The following RLF variants were observed in gnomAD, a reference collection of about 807,000 sequenced individuals.
RLF encodes RLF zinc finger.
A neutral mutation model predicts 162.9 loss-of-function variants in RLF; 7 were observed. That is an observed-to-expected ratio of 0.04 (90% CI 0.02 to 0.08). The LOEUF (loss-of-function observed/expected upper bound fraction) is 0.08, where lower values mean the gene tolerates loss of function less well. Ranked by LOEUF, RLF falls within the 10% of genes least tolerant of loss-of-function variation. RLF has a pLI of 1.00. For missense variants in RLF, 1,664 were observed against 2,244.7 expected, an observed-to-expected ratio of 0.74 and a Z score of 5.23; for synonymous variants, 782 against 791.5, an observed-to-expected ratio of 0.99 and a Z score of 0.20.
chr1:40,220,428 C>T (rs1318733790), intron 5 of RLF, among the ~76,000 whole-genome samples: 1 of 152,170 alleles, frequency 6.6e-6, no homozygotes, highest in African/African-American at 2.4e-5. Context: ...TTTGCCATGG[C>T]TTATTCCTAC....
rs1642762740 is a variant in RLF at position 40,204,497 on chromosome 1, C to T, written c.810+1883C>T. On this transcript the variant is annotated intron_variant, in intron 5 of 7. Coordinates refer to ENST00000372771, the MANE Select transcript of RLF (RefSeq NM_012421.4). ...ACACTGCTCACTGCAGCCTCAAAAT[C>T]CTGGGCTCAGGTGATCTTCCCACCT... Among the ~76,000 whole-genome samples the T allele has an allele frequency of 2.6e-5, 4 of 152,154 alleles. 1 individual carries two copies. In the South Asian group the frequency reaches 8.3e-4, roughly 32 times the overall value.
At chr1:40,176,973 A>G (rs183278799) in intron 1 of RLF, among the ~76,000 whole-genome samples, 1 of 148,246 alleles carries the variant, frequency 6.7e-6, no homozygotes, top group Non-Finnish European at 1.5e-5. Context: ...TTTTTTATTT[A>G]TTTCTTTTTT....
At position 40,178,822 on chromosome 1, in the gene RLF, G is replaced by A. The variant is rs182711108; in HGVS notation, c.238-10233G>A. Among the ~76,000 whole-genome samples the A allele has an allele frequency of 8.2e-4, 122 of 149,130 alleles. 1 individual carries two copies. The highest frequency in any genetic ancestry group is 3.9e-4 in the Non-Finnish European group (26 of 67,228). On this transcript the variant is annotated intron_variant, in intron 1 of 7. Transcript: ENST00000372771. Reference sequence around the variant, plus strand: ...TACAGGCATGAGCCACTGGTATCCCGCCTTATCACCATTTTTTATTTTTAT... The same window carrying A: ...TACAGGCATGAGCCACTGGTATCCCACCTTATCACCATTTTTTATTTTTAT...
intron 1 of RLF, among the ~76,000 whole-genome samples, chr1:40,173,004 A>G (rs1210251531): frequency 2.6e-5 from 4 of 151,792 alleles, no homozygotes; most frequent in African/African-American, 9.7e-5. Flanking sequence ...TAAACTTATT[A>G]ATATTTGACA....
At chr1:40,219,528 C>T (rs960545529) in intron 5 of RLF, among the ~76,000 whole-genome samples, 4 of 152,048 alleles carry the variant, frequency 2.6e-5, no homozygotes, top group African/African-American at 9.7e-5. Flanking sequence ...AGTGATATTC[C>T]TGTTATTAGC....
At chr1:40,178,670 G>T (rs1171177809) in intron 1 of RLF, among the ~76,000 whole-genome samples, 3 of 84,038 alleles carry the variant, frequency 3.6e-5, no homozygotes, top group Admixed American at 1.3e-4. Context: ...ATCTTGCTAT[G>T]GTCTTTTTTG....
chr1:40,226,627 G>A (rs1643081958), intron 6 of RLF, among the ~76,000 whole-genome samples: 1 of 152,240 alleles, frequency 6.6e-6, no homozygotes, highest in Non-Finnish European at 1.5e-5. Flanking sequence ...TAACAGAATT[G>A]TATGGGAGAG....
chr1:40,203,809 A>G (rs1191010986), intron 5 of RLF, among the ~76,000 whole-genome samples: 1 of 152,002 alleles, frequency 6.6e-6, no homozygotes, highest in Non-Finnish European at 1.5e-5. Flanking sequence ...TGCTGTAGTA[A>G]TTCTGAAACT....
At chr1:40,193,757 G>A (rs1043322587) in intron 3 of RLF, among the ~76,000 whole-genome samples, 3 of 151,694 alleles carry the variant, frequency 2.0e-5, no homozygotes, top group African/African-American at 7.3e-5. Context: ...AACATATTGG[G>A]TGGGTGTGTG....
intron 1 of RLF, among the ~76,000 whole-genome samples, chr1:40,179,152 A>G (rs912284130): frequency 6.6e-6 from 1 of 152,186 alleles, no homozygotes; most frequent in African/African-American, 2.4e-5. Context: ...CCATATTTAA[A>G]AAAGCTATTT....
intron 5 of RLF, among the ~76,000 whole-genome samples, chr1:40,213,722 A>G (rs140990045): frequency 2.4e-4 from 37 of 152,362 alleles, no homozygotes; most frequent in Non-Finnish European, 4.4e-4. Context: ...TAAAACATTT[A>G]TCAACTTTGA....
In RLF at chr1:40,231,572, A is replaced by G. The variant is rs1236779990; in HGVS notation, c.1003A>G (p.Thr335Ala). ...LQRRIDPSLD[T>A]FLERCRQFGV... is the part of the protein sequence containing the mutation. The stretch of plus-strand genomic sequence containing the variant: ...AAGAAGAATTGACCCTTCTTTAGAT[A>G]CTTTTTTGGAGCGCTGTCGTCAGTT... Residue 335 changes from threonine (T) to alanine (A), a missense_variant, in exon 7 of 8, where the codon ACT (threonine) becomes GCT (alanine). Coordinates refer to ENST00000372771, the MANE Select transcript of RLF (RefSeq NM_012421.4). The G allele has an allele frequency of 1.2e-6, 2 of 1,613,900 alleles. No individual in the cohort carries two copies. Among genetic ancestry groups the G allele is most frequent in the Admixed American group, 1.7e-5 (1 of 59,972 alleles).
At chr1:40,186,713 C>CGG in intron 1 of RLF, among the ~76,000 whole-genome samples, 1 of 152,226 alleles carries the variant, frequency 6.6e-6, no homozygotes, top group South Asian at 2.1e-4. Context: ...CATGTCTGCC[C>CGG]GCCCCCACTG....
chr1:40,196,570 G>A (rs1359146176), intron 4 of RLF, among the ~76,000 whole-genome samples: 1 of 152,086 alleles, frequency 6.6e-6, no homozygotes, highest in Non-Finnish European at 1.5e-5. Flanking sequence ...CACAATTATG[G>A]CTCACTGCAG....
Position 40,240,087 on chromosome 1 carries a change from C to G in RLF, c.5385C>G (p.His1795Gln), listed in dbSNP as rs1557765185. The change falls in exon 8 of 8, where the codon CAC becomes CAG. Residue 1795 changes from histidine to glutamine, a missense_variant. Physicochemically the swap from His to Gln is conservative, Grantham distance 24. Coordinates refer to ENST00000372771, the MANE Select transcript of RLF (RefSeq NM_012421.4). ...TTGATGATTGGGAGCCTTCAGAGCA[C>G]TTAACATTAAGTAATTCTTCACAGT... ...DDFDDWEPSE[H>Q]LTLSNSSQSS... The G allele has an allele frequency of 6.2e-7, 1 of 1,614,062 alleles. No homozygotes were observed. The highest frequency in any genetic ancestry group is 8.5e-7 in the Non-Finnish European group (1 of 1,179,942).
chr1:40,199,784 G>A (rs1244249244), intron 4 of RLF, among the ~76,000 whole-genome samples: 1 of 152,098 alleles, frequency 6.6e-6, no homozygotes, highest in Non-Finnish European at 1.5e-5. Context: ...TGTTAGGCAG[G>A]CAGAATAGGA....
At position 40,236,712 on chromosome 1, in the gene RLF, G is replaced by A. The variant is rs1260877733; in HGVS notation, c.2010G>A (p.Leu670=). ...LEDCHLQDRD[L]YPCPGTDCSR... ...ATTGCCACCTGCAAGACAGAGATTT[G>A]TATCCATGTCCCGGTACAGACTGTT... The change falls in exon 8 of 8, where the codon TTG becomes TTA. Residue 670 remains leucine (L), a synonymous_variant. Transcript: ENST00000372771. This position sits in a 1 kb window ranked among gnomAD's most constrained non-coding sequence, Gnocchi z 7.7. 6.2e-7 allele frequency: 1 copy of A among 1,614,076 alleles called. No homozygotes were observed.
chr1:40,172,170 A>G (rs915823228), intron 1 of RLF, among the ~76,000 whole-genome samples: 7 of 151,292 alleles, frequency 4.6e-5, no homozygotes, highest in Non-Finnish European at 7.3e-5. Context: ...TTAAACTATA[A>G]AAGCACTTCT....
chr1:40,188,781 G>A (rs1642519003), intron 1 of RLF, among the ~76,000 whole-genome samples: 1 of 152,150 alleles, frequency 6.6e-6, no homozygotes, highest in Non-Finnish European at 1.5e-5. Context: ...GGCAACTCCA[G>A]ACCTATAGTG....
Sources: allele counts gnomAD v4.1 joint callset (sites outside exome capture counted in the v4.1 genomes callset), GRCh38; gene constraint gnomAD v4.1.1; non-coding constraint Gnocchi (gnomAD v3.1); transcripts MANE v1.5; gene names NCBI Gene and HGNC (gene_info 2026-07-23, HGNC 2026-07-21).